The following SHISAL2A variants were observed in gnomAD, a reference collection of about 807,000 sequenced individuals.
SHISAL2A encodes the protein protein shisa-like-2A.
Under a neutral mutation model 11.5 loss-of-function variants are expected in SHISAL2A, and 18 were observed. The ratio of observed to expected loss-of-function variants is 1.57; its 90% CI spans 1.08 to 2.33. SHISAL2A has a LOEUF of 2.33. Ranked by LOEUF, SHISAL2A falls within the 30% of genes most tolerant of loss-of-function variation. SHISAL2A has a pLI of 0.00. For synonymous variants in SHISAL2A, 94 were observed against 99.6 expected (o/e 0.94, Z 0.34); for missense variants, 261 against 250.9 (o/e 1.04, Z -0.27).
At chr1:52,640,299 T>C (rs1174911205) in intron 1 of SHISAL2A, among the ~76,000 whole-genome samples, 12 of 151,852 alleles carry the variant, frequency 7.9e-5, no homozygotes. Context: ...GGGAAGAAAA[T>C]GGGCAGGAGA....
intron 4 of SHISAL2A, among the ~76,000 whole-genome samples, chr1:52,664,052 G>A (rs1177438930): frequency 6.6e-6 from 1 of 152,180 alleles, no homozygotes. Flanking sequence ...ACACAACAGA[G>A]AATTTGAACA....
intron 2 of SHISAL2A, among the ~76,000 whole-genome samples, chr1:52,654,324 A>G (rs1407960187): frequency 6.6e-6 from 1 of 152,214 alleles, no homozygotes; most frequent in East Asian, 1.9e-4. Flanking sequence ...CAAAGGAACT[A>G]GAATAGCTAA....
rs778770683 is a variant in SHISAL2A, at chr1:52,642,955, C to A, written c.275C>A (p.Ser92Tyr). 1 of 1,614,222 alleles carries A rather than the reference C, an allele frequency of 6.2e-7. No homozygotes were observed. The highest frequency in any genetic ancestry group is 1.1e-5 in the South Asian group (1 of 91,080). The change falls in exon 2 of 3, where the codon TCT becomes TAT. Residue 92 changes from serine (S) to tyrosine (Y), a missense_variant. Transcript: ENST00000517870. ...ACVLCYLFIS[S>Y]KPHTKLDLGL... ...GTGCTCTGCTACCTGTTCATCAGCT[C>A]TAAGCCCCACACAAAGTTGGACCTG...
At chr1:52,650,073 A>G (rs752257616) in intron 2 of SHISAL2A, among the ~76,000 whole-genome samples, 3 of 152,162 alleles carry the variant, frequency 2.0e-5, no homozygotes, top group Non-Finnish European at 4.4e-5. Context: ...TATACTGCAG[A>G]ATGACTTTCA....
intron 2 of SHISAL2A, among the ~76,000 whole-genome samples, chr1:52,644,146 C>T (rs1691438516): frequency 6.6e-6 from 1 of 152,076 alleles, no homozygotes; most frequent in Admixed American, 6.5e-5. Flanking sequence ...CCTCGAGTCA[C>T]CATACTGGGT....
rs759552193 is a variant in SHISAL2A at position 52,644,755 on chromosome 1, T to C, written c.322+1753T>C. ...AAGTGGGGCCGGGTGCAGTGGCTCA[T>C]GCCTGTAATCCCAGCACTTTGGGAG... is the stretch of plus-strand genomic sequence containing the variant. On this transcript the variant is annotated intron_variant, in intron 2 of 2. Coordinates refer to ENST00000517870, the MANE Select transcript of SHISAL2A (RefSeq NM_001042693.3). Among the ~76,000 whole-genome samples, 5 of 150,450 alleles carry C rather than the reference T, an allele frequency of 3.3e-5. No homozygotes were observed. In the East Asian group the frequency reaches 6.0e-4, roughly 18 times the overall value.
At chr1:52,665,415 C>G (rs1457888589) in intron 4 of SHISAL2A, among the ~76,000 whole-genome samples, 1 of 152,078 alleles carries the variant, frequency 6.6e-6, no homozygotes, top group East Asian at 1.9e-4. Flanking sequence ...CAGGAGGATC[C>G]CACTCCCCTA....
In SHISAL2A at chr1:52,653,286, CAAAAAAAAAAA is replaced by C. The variant is rs59878820; in HGVS notation, c.323-3486_323-3476del. ...CAACATGACAAGACTCCTGTCTCTA[CAAAAAAAAAAA>C]AAAAAAAAAAAAAAAAAGCAGGGTA... On this transcript the variant is annotated intron_variant, in intron 2 of 2. Coordinates refer to ENST00000517870, the MANE Select transcript of SHISAL2A (RefSeq NM_001042693.3). 8.5e-4 allele frequency among the ~76,000 whole-genome samples: 31 copies of C among 36,440 alleles called. No homozygotes were observed. In the South Asian group the frequency reaches 0.023, roughly 27 times the overall value. The allele number at this position is 36,440 out of a possible 152,430, so 23.9% of individuals were successfully genotyped here. A position where few individuals can be genotyped will look rare whatever the true frequency, so the allele number is the denominator to read the frequency against.
downstream of SHISAL2A, among the ~76,000 whole-genome samples, chr1:52,660,678 A>C (rs1691890669): frequency 6.6e-6 from 1 of 152,188 alleles, no homozygotes; most frequent in Admixed American, 6.5e-5. Context: ...TCTTCAGCCC[A>C]GAATTAGAGA....
intron 4 of SHISAL2A, among the ~76,000 whole-genome samples, chr1:52,662,327 CTATTT>C (rs532105103): frequency 2.0e-5 from 3 of 151,742 alleles, no homozygotes; most frequent in Non-Finnish European, 4.4e-5. Flanking sequence ...TGTCAACTTT[CTATTT>C]TATTTTATTT....
rs778299585 is a variant in SHISAL2A at position 52,642,909 on chromosome 1, GC to G, written c.231del (p.Phe78SerfsTer25). 10 of 1,613,710 alleles carry G rather than the reference GC, an allele frequency of 6.2e-6. No homozygotes were observed. In the East Asian group the frequency reaches 2.2e-4, roughly 36 times the overall value. On this transcript the variant is annotated frameshift_variant, in exon 2 of 3. Coordinates refer to ENST00000517870, the MANE Select transcript of SHISAL2A (RefSeq NM_001042693.3). LOFTEE classifies it high-confidence loss of function. ...GLSVAAVVLLAFIVTACVLCY... is the reference protein window; with the variant it reads ...GLSVAAVVLLXFIVTACVLCY... ...GTCCGTAGCAGCAGTGGTTCTTCTCGCCTTCATTGTTACCGCCTGTGTGCTC... is the reference window on the plus strand; with the variant it reads ...GTCCGTAGCAGCAGTGGTTCTTCTCGCTTCATTGTTACCGCCTGTGTGCTC...
At chr1:52,663,721 A>G (rs1471785032) in intron 4 of SHISAL2A, among the ~76,000 whole-genome samples, 1 of 152,190 alleles carries the variant, frequency 6.6e-6, no homozygotes, top group Non-Finnish European at 1.5e-5. Context: ...AGACTGCATC[A>G]TTGCATTCCA....
chr1:52,650,939 C>T (rs905604301), intron 2 of SHISAL2A, among the ~76,000 whole-genome samples: 2 of 150,404 alleles, frequency 1.3e-5, no homozygotes, highest in African/African-American at 5.0e-5. Flanking sequence ...GCCACCACGC[C>T]TGGCCTAACC....
intron 1 of SHISAL2A, among the ~76,000 whole-genome samples, chr1:52,637,210 A>G (rs1691255915): frequency 6.6e-6 from 1 of 152,168 alleles, no homozygotes; most frequent in African/African-American, 2.4e-5. Flanking sequence ...ACTCAGACAT[A>G]ATGTGATTCA....
downstream of SHISAL2A, chr1:52,659,723 T>C (rs1209657326): frequency 6.6e-6 from 1 of 152,258 alleles, no homozygotes; most frequent in African/African-American, 2.4e-5. Context: ...GGCTGGGTGA[T>C]ATTGGGATGT....
At chr1:52,664,794 G>C (rs1211994581) in intron 4 of SHISAL2A, among the ~76,000 whole-genome samples, 5 of 151,664 alleles carry the variant, frequency 3.3e-5, no homozygotes, top group Non-Finnish European at 7.4e-5. Flanking sequence ...CTGCACCCCG[G>C]CTATTTTTAT....
In SHISAL2A at chr1:52,633,773, G is replaced by A; in HGVS notation, c.182+98G>A. On this transcript the variant is annotated intron_variant, in intron 1 of 2. Coordinates refer to ENST00000517870, the MANE Select transcript of SHISAL2A (RefSeq NM_001042693.3). The surrounding 1 kb of genome is among the most constrained non-coding windows in gnomAD (Gnocchi z 6.4). ...CACCCGAGTGTCCACCTGAACATCA[G>A]CAGCAAGCTCTAGTCCTTACCGTCC... 2.0e-6 allele frequency: 2 copies of A among 1,000,004 alleles called. No individual in the cohort carries two copies. The highest frequency in any genetic ancestry group is 1.7e-5 in the African/African-American group (1 of 58,716). 61.9% of individuals were successfully genotyped at this position (1,000,004 alleles called of 1,614,324 possible). A position where few individuals can be genotyped will look rare whatever the true frequency, so the allele number is the denominator to read the frequency against.
rs1426768647 is a variant in SHISAL2A, at chr1:52,633,486, G to T, written c.-8G>T. On this transcript the variant is annotated 5_prime_UTR_variant, in exon 1 of 3. Transcript: ENST00000517870. This position sits in a 1 kb window ranked among gnomAD's most constrained non-coding sequence, Gnocchi z 6.4. ...CCCGAGGTGGCGGCGGGCTGGGCGC[G>T]GGGCGCGATGAGCGGCGCCTGCACG... 1.3e-6 allele frequency: 2 copies of T among 1,489,106 alleles called. No homozygotes were observed. The highest frequency in any genetic ancestry group is 2.8e-5 in the East Asian group (1 of 35,240). 92.2% of individuals were successfully genotyped at this position (1,489,106 alleles called of 1,614,324 possible).
rs36154490 is a variant in SHISAL2A, at chr1:52,652,965, C to CAAAAAAAAAAAA, written c.323-3803_323-3792dup. Reference sequence around the variant, plus strand: ...TGGGTGACAGAGTGAGACTCTGTCTCAAAAAAAAAAAAAAAAAAAAAAAAA... The same window carrying CAAAAAAAAAAAA: ...TGGGTGACAGAGTGAGACTCTGTCTCAAAAAAAAAAAAAAAAAAAAAAAAAAAAAAAAAAAAA... On this transcript the variant is annotated intron_variant, in intron 2 of 2. Coordinates refer to ENST00000517870, the MANE Select transcript of SHISAL2A (RefSeq NM_001042693.3). 4.9e-4 allele frequency among the ~76,000 whole-genome samples: 11 copies of CAAAAAAAAAAAA among 22,380 alleles called. 1 individual carries two copies. The highest frequency in any genetic ancestry group is 2.4e-3 in the African/African-American group (11 of 4,564). The allele number at this position is 22,380 out of a possible 152,430, so 14.7% of individuals were successfully genotyped here. A position where few individuals can be genotyped will look rare whatever the true frequency, so the allele number is the denominator to read the frequency against.
Sources: gnomAD v4.1 joint callset for allele counts (sites outside exome capture counted in the v4.1 genomes callset) on GRCh38, gnomAD v4.1.1 for gene constraint, Gnocchi (gnomAD v3.1) non-coding constraint, MANE v1.5 for transcripts, NCBI Gene and HGNC (gene_info 2026-07-23, HGNC 2026-07-21) for gene names.